The following WIPF2 variants were observed in gnomAD, a reference collection of about 807,000 sequenced individuals.
The protein encoded by WIPF2 is WAS/WASL-interacting protein family member 2.
WIPF2 carries 23 observed loss-of-function variants against 38.8 expected under a neutral mutation model. That is an observed-to-expected ratio of 0.59 (90% confidence interval 0.43 to 0.84). The LOEUF (loss-of-function observed/expected upper bound fraction) is 0.84, where lower values mean the gene tolerates loss of function less well. Among genes scored for constraint, WIPF2 ranks in the 40% least tolerant of loss-of-function variants. The probability of loss-of-function intolerance (pLI) is 0.00; values close to 1 mark genes in which losing one functional copy is unlikely to be tolerated. For synonymous variants in WIPF2, 210 were observed against 223.2 expected (o/e 0.94, Z 0.53); for missense variants, 574 against 580.5 (o/e 0.99, Z 0.11).
Position 40,219,420 on chromosome 17 carries a change from G to T in WIPF2, c.-142G>T. On this transcript the variant is annotated 5_prime_UTR_variant, in exon 1 of 8. Coordinates refer to ENST00000323571, the MANE Select transcript of WIPF2 (RefSeq NM_133264.5). ...CGGCGACGGCGAGAAAGAGCTTGCC[G>T]GGGGGCGAGCAGGACAGGACGAAGC... is the stretch of plus-strand genomic sequence containing the variant. The T allele has an allele frequency of 2.6e-6, 1 of 388,420 alleles. No homozygotes were observed. The allele number at this position is 388,420 out of a possible 1,614,324, so 24.1% of individuals were successfully genotyped here.
chr17:40,232,179 A>ATTTTTTTTTTTTTTTTTTT (rs752876006), intron 1 of WIPF2, among the ~76,000 whole-genome samples: 10 of 76,052 alleles, frequency 1.3e-4, no homozygotes, highest in African/African-American at 3.4e-4. Context: ...TGCCTGGCTA[A>ATTTTTTTTTTTTTTTTTTT]TTTTTTTTTT....
At chr17:40,259,913 C>T (rs571739766) in intron 2 of WIPF2, among the ~76,000 whole-genome samples, 4 of 152,108 alleles carry the variant, frequency 2.6e-5, no homozygotes, top group Non-Finnish European at 5.9e-5. Context: ...GGTGATGATA[C>T]GCATTAAATG....
At chr17:40,259,855 C>T (rs997960471) in intron 2 of WIPF2, among the ~76,000 whole-genome samples, 4 of 152,154 alleles carry the variant, frequency 2.6e-5, no homozygotes, top group Admixed American at 1.3e-4. Flanking sequence ...ATTGTGCTTA[C>T]CACAGTGCCT....
intron 5 of WIPF2, among the ~76,000 whole-genome samples, chr17:40,272,422 G>T (rs998314631): frequency 6.6e-6 from 1 of 152,186 alleles, no homozygotes; most frequent in African/African-American, 2.4e-5. Context: ...AACTTGCTTT[G>T]GAGGCAATTC....
At chr17:40,249,552 C>G (rs1027428075) in intron 1 of WIPF2, among the ~76,000 whole-genome samples, 3 of 151,474 alleles carry the variant, frequency 2.0e-5, no homozygotes, top group Non-Finnish European at 2.9e-5. Flanking sequence ...CTCCTGGGTT[C>G]AAGCGGTTCT....
chr17:40,246,074 T>C (rs2031351993), intron 1 of WIPF2, among the ~76,000 whole-genome samples: 1 of 151,876 alleles, frequency 6.6e-6, no homozygotes, highest in Non-Finnish European at 1.5e-5. Flanking sequence ...ACTTGCTTGC[T>C]CTTTTAGACA....
intron 1 of WIPF2, among the ~76,000 whole-genome samples, chr17:40,225,926 G>T (rs1415630366): frequency 1.3e-5 from 2 of 151,952 alleles, no homozygotes; most frequent in South Asian, 2.1e-4. Context: ...GAGCCACCAG[G>T]CTCAGCCATT....
At chr17:40,242,245 T>TA (rs1194374044) in intron 1 of WIPF2, among the ~76,000 whole-genome samples, 11 of 152,238 alleles carry the variant, frequency 7.2e-5, no homozygotes, top group African/African-American at 2.2e-4. Flanking sequence ...CTGGATGTGG[T>TA]AGTCCCAGCT....
chr17:40,260,475 C>T, intron 2 of WIPF2, 60 bp from the exon 3 acceptor site: 3 of 1,589,622 alleles, frequency 1.9e-6, no homozygotes, highest in Non-Finnish European at 2.6e-6. Context: ...GCGTGAGCCA[C>T]CGCACCCGGC....
At chr17:40,240,499 C>T (rs2031151250) in intron 1 of WIPF2, among the ~76,000 whole-genome samples, 1 of 151,816 alleles carries the variant, frequency 6.6e-6, no homozygotes, top group Non-Finnish European at 1.5e-5. Context: ...TTGCTTCTTC[C>T]CACTGCAGTG....
In WIPF2 at chr17:40,278,211, C is replaced by T. The variant is rs2032467108; in HGVS notation, c.1309C>T (p.Pro437Ser). Residue 437 changes from proline (P) to serine (S), a missense_variant, in exon 8 of 8, where the codon CCC (proline) becomes TCC (serine). By Grantham distance (74) the Pro-to-Ser change is moderately conservative. Transcript: ENST00000323571. ...RAARGAPPLP[P>S]ILR ...TGCCCGTGGAGCCCCACCTCTGCCACCCATTCTCAGGTGAAGCCTGGCTTG... is the reference window on the plus strand; with the variant it reads ...TGCCCGTGGAGCCCCACCTCTGCCATCCATTCTCAGGTGAAGCCTGGCTTG... 1 of 1,613,876 alleles carries T rather than the reference C, an allele frequency of 6.2e-7. No homozygotes were observed. Among genetic ancestry groups the T allele is most frequent in the Non-Finnish European group, 8.5e-7 (1 of 1,179,940 alleles).
chr17:40,274,041 A>T (rs201582546), intron 6 of WIPF2, 42 bp downstream of exon 6: 1 of 1,465,526 alleles, frequency 6.8e-7, no homozygotes, highest in African/African-American at 1.4e-5. Context: ...TCCTGCGGTG[A>T]CTTCACCCAC....
intron 1 of WIPF2, among the ~76,000 whole-genome samples, chr17:40,222,548 C>T (rs868806712): frequency 7.0e-6 from 1 of 142,372 alleles, no homozygotes; most frequent in Non-Finnish European, 1.5e-5. Flanking sequence ...ACATGTTTTT[C>T]TGTTTCTTCC....
intron 2 of WIPF2, among the ~76,000 whole-genome samples, chr17:40,256,807 T>C (rs2031743644): frequency 6.6e-6 from 1 of 152,200 alleles, no homozygotes; most frequent in Admixed American, 6.6e-5. Flanking sequence ...TTCTGATTCC[T>C]GAGAGGTCCT....
intron 1 of WIPF2, among the ~76,000 whole-genome samples, chr17:40,252,781 G>A (rs1182029030): frequency 7.0e-6 from 1 of 143,424 alleles, no homozygotes; most frequent in East Asian, 2.0e-4. Flanking sequence ...TTTTTTTTTT[G>A]AGATGGAGTT....
intron 5 of WIPF2, 33 bp from the exon 6 acceptor site, chr17:40,273,757 T>G: frequency 6.8e-7 from 1 of 1,463,628 alleles, no homozygotes; most frequent in Admixed American, 1.7e-5. Flanking sequence ...CGTCTCCACA[T>G]CCAAACCTAA....
chr17:40,233,298 T>G (rs2030825275), intron 1 of WIPF2, among the ~76,000 whole-genome samples: 1 of 152,192 alleles, frequency 6.6e-6, no homozygotes, highest in South Asian at 2.1e-4. Context: ...GTGTTAGGGT[T>G]TTTTGATTTT....
At chr17:40,232,721 C>CAAGCGATT (rs2030800535) in intron 1 of WIPF2, among the ~76,000 whole-genome samples, 1 of 150,126 alleles carries the variant, frequency 6.7e-6, no homozygotes, top group Non-Finnish European at 1.5e-5. Flanking sequence ...CTCACTGCAA[C>CAAGCGATT]CTCTGCCTCC....
intron 1 of WIPF2, among the ~76,000 whole-genome samples, chr17:40,237,129 G>C (rs2031002070): frequency 6.6e-6 from 1 of 151,656 alleles, no homozygotes; most frequent in Non-Finnish European, 1.5e-5. Context: ...TATTGATAAT[G>C]TATTCTCACT....
Sources: allele counts gnomAD v4.1 joint callset (sites outside exome capture counted in the v4.1 genomes callset), GRCh38; gene constraint gnomAD v4.1.1; transcripts MANE v1.5; gene names NCBI Gene and HGNC (gene_info 2026-07-23, HGNC 2026-07-21).